Variants in KIF5C observed in about 807,000 individuals in gnomAD.
The protein encoded by KIF5C is kinesin family member 5C.
KIF5C carries 18 observed loss-of-function variants against 125.2 expected under a neutral mutation model. The ratio of observed to expected loss-of-function variants is 0.14; its 90% CI spans 0.10 to 0.21. KIF5C has a LOEUF of 0.21. KIF5C is among the 10% of genes least tolerant of loss of function. The pLI is 1.00. For synonymous variants in KIF5C, 405 were observed against 434.0 expected, an observed-to-expected ratio of 0.93 and a Z score of 0.83; for missense variants, 780 against 1,183.8, an observed-to-expected ratio of 0.66 and a Z score of 5.01.
In KIF5C at chr2:149,010,123, C is replaced by T. The variant is rs941954894; in HGVS notation, c.2551-12C>T. The T allele has an allele frequency of 3.0e-4, 462 of 1,540,736 alleles. No homozygotes were observed. The highest frequency in any genetic ancestry group is 3.9e-4 in the Non-Finnish European group (449 of 1,141,382). Reference sequence around the variant, plus strand: ...CTGGTAGTAACTCCCTTCCTTTATCCTCCTGCCCCAGCTGGTCCGGGACAA... The same window carrying T: ...CTGGTAGTAACTCCCTTCCTTTATCTTCCTGCCCCAGCTGGTCCGGGACAA... On this transcript the variant is annotated splice_polypyrimidine_tract_variant and intron_variant, in intron 23 of 25. Coordinates refer to ENST00000435030, the MANE Select transcript of KIF5C (RefSeq NM_004522.3).
At chr2:149,010,440 C>G (rs569027755) in intron 24 of KIF5C, 89 bp downstream of exon 24, 1 of 1,460,336 alleles carries the variant, frequency 6.8e-7, no homozygotes, top group African/African-American at 1.4e-5. Flanking sequence ...CAGCGCTGGC[C>G]CACTCTGGAA....
intron 4 of KIF5C, among the ~76,000 whole-genome samples, chr2:148,938,182 GT>G (rs140568738): frequency 0.14 from 20,754 of 152,126 alleles, 2,159 homozygotes; most frequent in African/African-American, 0.28. Context: ...AGAGGATATT[GT>G]TTATAAGATA....
intron 1 of KIF5C, among the ~76,000 whole-genome samples, chr2:148,900,611 GT>G (rs1558879280): frequency 1.3e-5 from 2 of 152,138 alleles, no homozygotes; most frequent in Non-Finnish European, 2.9e-5. Flanking sequence ...GTAAAATGAA[GT>G]TTGCATTCAG....
At chr2:148,917,537 G>C (rs1681608407) in intron 1 of KIF5C, among the ~76,000 whole-genome samples, 1 of 152,214 alleles carries the variant, frequency 6.6e-6, no homozygotes, top group Admixed American at 6.5e-5. Flanking sequence ...AAATGGGCTA[G>C]AGTATAAAAG....
intron 25 of KIF5C, 70 bp downstream of exon 25, chr2:149,011,753 C>T (rs1682208713): frequency 6.3e-7 from 1 of 1,594,968 alleles, no homozygotes; most frequent in Non-Finnish European, 8.6e-7. Flanking sequence ...AAGCCCCTGC[C>T]TGGCAGTGGA....
At chr2:148,998,651 C>A in intron 19 of KIF5C, 142 bp downstream of exon 19, 1 of 1,339,610 alleles carries the variant, frequency 7.5e-7, no homozygotes, top group Non-Finnish European at 1.0e-6. Flanking sequence ...GCAGGCTGGG[C>A]GGGCTGCTTC....
intron 25 of KIF5C, 38 bp from the exon 26 acceptor site, chr2:149,023,040 C>A (rs1682582109): frequency 6.6e-6 from 1 of 152,170 alleles, no homozygotes; most frequent in Non-Finnish European, 1.5e-5. Flanking sequence ...ACTGTGTTTT[C>A]TAATTCCTAT....
Position 149,016,257 on chromosome 2 carries a change from T to TG in KIF5C, c.*7+4578dup, listed in dbSNP as rs572608029. Reference sequence around the variant, plus strand: ...ATTGTAGCCTAGTGTGAGGGGCCACTGGGGCTGTGGGCGTGGAAGCAGTGG... The same window carrying TG: ...ATTGTAGCCTAGTGTGAGGGGCCACTGGGGGCTGTGGGCGTGGAAGCAGTGG... On this transcript the variant is annotated intron_variant, in intron 25 of 25. Transcript: ENST00000435030. Among the ~76,000 whole-genome samples the TG allele has an allele frequency of 3.9e-3, 586 of 152,196 alleles. 3 individuals carry two copies. Among genetic ancestry groups the TG allele is most frequent in the Non-Finnish European group, 6.8e-3 (461 of 67,988 alleles).
intron 13 of KIF5C, among the ~76,000 whole-genome samples, chr2:148,980,807 G>C (rs755952442): frequency 6.6e-6 from 1 of 151,976 alleles, no homozygotes; most frequent in Non-Finnish European, 1.5e-5. Flanking sequence ...CCAGGTTCAA[G>C]CTATTCTCCT....
At position 148,978,989 on chromosome 2, in the gene KIF5C, A is replaced by T; in HGVS notation, c.1361A>T (p.Glu454Val). 6.3e-7 allele frequency: 1 copy of T among 1,577,250 alleles called. No homozygotes were observed. Among genetic ancestry groups the T allele is most frequent in the Non-Finnish European group, 8.6e-7 (1 of 1,161,808 alleles). The change falls in exon 13 of 26, where the codon GAG becomes GTG. Residue 454 changes from glutamate to valine, a missense_variant and splice_region_variant. Transcript: ENST00000435030. ...AAGCAACAGATGTTGGATCAGGATGAGGTAAAGAATGCAATATATTTTTTT... is the reference window on the plus strand; with the variant it reads ...AAGCAACAGATGTTGGATCAGGATGTGGTAAAGAATGCAATATATTTTTTT... ...KLKQQMLDQDELLASTRRDYE... is the reference protein window; with the variant it reads ...KLKQQMLDQDVLLASTRRDYE...
chr2:148,991,262 T>C, intron 16 of KIF5C, 64 bp downstream of exon 16: 1 of 1,543,910 alleles, frequency 6.5e-7, no homozygotes, highest in South Asian at 1.2e-5. Context: ...CTCCATGCCC[T>C]TGCTGGTGCT....
intron 25 of KIF5C, among the ~76,000 whole-genome samples, chr2:149,017,389 G>A (rs904129356): frequency 1.6e-4 from 25 of 152,160 alleles, no homozygotes; most frequent in Admixed American, 1.2e-3. Context: ...GCAGGGTCTC[G>A]CTCTTGAGAC....
chr2:148,889,686 C>T (rs1574693848), intron 1 of KIF5C, among the ~76,000 whole-genome samples: 1 of 152,304 alleles, frequency 6.6e-6, no homozygotes, highest in East Asian at 1.9e-4. Flanking sequence ...GGTAGGAATC[C>T]ATCCTTCTTC....
chr2:148,963,588 A>G (rs2105133126), intron 11 of KIF5C, among the ~76,000 whole-genome samples: 1 of 152,312 alleles, frequency 6.6e-6, no homozygotes, highest in Middle Eastern at 3.4e-3. Context: ...TCAGCACCTG[A>G]GGCTGGTGGA....
intron 1 of KIF5C, among the ~76,000 whole-genome samples, chr2:148,910,137 G>T (rs928058258): frequency 2.0e-5 from 3 of 152,188 alleles, no homozygotes; most frequent in African/African-American, 7.2e-5. Flanking sequence ...CATAAATGCT[G>T]CAGGGAATCC....
intron 10 of KIF5C, 82 bp from the exon 11 acceptor site, chr2:148,961,889 A>G: frequency 6.6e-7 from 1 of 1,515,316 alleles, no homozygotes; most frequent in Non-Finnish European, 8.8e-7. Flanking sequence ...GTCTTTTGAC[A>G]TGAGGAATCT....
intron 21 of KIF5C, 119 bp downstream of exon 21, chr2:149,000,901 C>A: frequency 6.6e-7 from 1 of 1,504,170 alleles, no homozygotes; most frequent in Non-Finnish European, 8.9e-7. Flanking sequence ...TTAGATAAGA[C>A]ATTCTATGGA....
intron 7 of KIF5C, among the ~76,000 whole-genome samples, chr2:148,946,674 T>G (rs1416537590): frequency 1.3e-5 from 2 of 152,228 alleles, no homozygotes; most frequent in Admixed American, 1.3e-4. Context: ...GACTAAGATT[T>G]TTAGATTAAC....
chr2:148,942,020 T>C, intron 6 of KIF5C, 30 bp downstream of exon 6: 1 of 1,606,166 alleles, frequency 6.2e-7, no homozygotes. Flanking sequence ...GGTGATGCAA[T>C]TAATTTCTCT....
Sources: allele counts gnomAD v4.1 joint callset (sites outside exome capture counted in the v4.1 genomes callset), GRCh38; gene constraint gnomAD v4.1.1; transcripts MANE v1.5; gene names NCBI Gene and HGNC (gene_info 2026-07-23, HGNC 2026-07-21).